Variants in NUDT1 observed in about 807,000 individuals in gnomAD.
NUDT1 encodes the protein nudix hydrolase 1.
Under a neutral mutation model 11.3 loss-of-function variants are expected in NUDT1, and 16 were observed. The observed-to-expected ratio is 1.41, with a 90% CI of 0.96 to 2.15. The LOEUF is 2.15. Among genes scored for constraint, NUDT1 ranks in the 30% most tolerant of loss-of-function variants. The pLI is 0.00. For missense variants in NUDT1, 234 were observed against 208.4 expected (o/e 1.12, Z -0.76); for synonymous variants, 101 against 84.4 (o/e 1.20, Z -1.08).
intron 2 of NUDT1, among the ~76,000 whole-genome samples, chr7:2,245,041 C>G (rs1403476656): frequency 6.6e-6 from 1 of 152,210 alleles, no homozygotes. Context: ...CTCTGTGCAG[C>G]AGCTTGAATT....
chr7:2,250,590 T>G, intron 3 of NUDT1, among the ~76,000 whole-genome samples: 1 of 152,152 alleles, frequency 6.6e-6, no homozygotes, highest in South Asian at 2.1e-4. Context: ...CCCAAGTAGC[T>G]GGGACTACAG....
At chr7:2,242,318 G>T in intron 1 of NUDT1, 62 bp downstream of exon 1, 1 of 729,752 alleles carries the variant, frequency 1.4e-6, no homozygotes, top group Non-Finnish European at 2.1e-6. Context: ...AGCCGGGCCA[G>T]CGGGCGGCAG....
In NUDT1 at chr7:2,244,745, T is replaced by G; in HGVS notation, c.152+19T>G. 1 of 1,599,264 alleles carries G rather than the reference T, an allele frequency of 6.3e-7. No individual in the cohort carries two copies. Among genetic ancestry groups the G allele is most frequent in the Non-Finnish European group, 8.5e-7 (1 of 1,174,188 alleles). On this transcript the variant is annotated intron_variant, in intron 2 of 3. Transcript: ENST00000356714. The stretch of plus-strand genomic sequence containing the variant: ...CTAGGAGGTAAGGATGGGGCAGGTC[T>G]GGCCATAGAACCGGCTTTCCCAGGG...
chr7:2,246,126 C>G (rs147901837), intron 2 of NUDT1, among the ~76,000 whole-genome samples: 175 of 152,284 alleles, frequency 1.1e-3, no homozygotes, highest in African/African-American at 4.1e-3. Context: ...AAAGGTGGCC[C>G]CGGGGGTTCT....
chr7:2,250,754 G>A (rs35110413), intron 3 of NUDT1, 75 bp from the exon 4 acceptor site: 52,761 of 1,579,570 alleles, frequency 0.033, 1,069 homozygotes, highest in Middle Eastern at 0.086. Context: ...CACCGCGCCC[G>A]GCCAAAAAAA....
chr7:2,244,538 C>CTCTG (rs1491245683), intron 1 of NUDT1, 25 bp from the exon 2 acceptor site: 2 of 1,524,770 alleles, frequency 1.3e-6, no homozygotes, highest in Admixed American at 4.2e-5. Context: ...TCATGGCTGA[C>CTCTG]TCTGCCCTCT....
chr7:2,244,840 G>A, intron 2 of NUDT1, 114 bp downstream of exon 2: 2 of 1,275,182 alleles, frequency 1.6e-6, no homozygotes, highest in Non-Finnish European at 2.2e-6. Flanking sequence ...TGGAGCAGGG[G>A]GTTAAGCGTG....
intron 1 of NUDT1, chr7:2,243,116 A>G (rs1794618100): frequency 1.5e-6 from 1 of 668,280 alleles, no homozygotes; most frequent in Admixed American, 2.2e-5. Context: ...TGCCAAACTC[A>G]TGGTTCCATC....
chr7:2,248,503 T>G (rs939561396), intron 2 of NUDT1, among the ~76,000 whole-genome samples: 11 of 151,982 alleles, frequency 7.2e-5, no homozygotes, highest in Non-Finnish European at 1.6e-4. Flanking sequence ...CACTCCTCCT[T>G]TCTTGCGTGG....
At chr7:2,246,688 C>G (rs967077797) in intron 2 of NUDT1, among the ~76,000 whole-genome samples, 12 of 152,204 alleles carry the variant, frequency 7.9e-5, no homozygotes, top group Non-Finnish European at 4.4e-5. Context: ...GACCATCACT[C>G]CAGACCCTCA....
intron 2 of NUDT1, among the ~76,000 whole-genome samples, chr7:2,247,033 G>A (rs1444529408): frequency 2.6e-5 from 4 of 152,116 alleles, no homozygotes; most frequent in South Asian, 2.1e-4. Context: ...CCAGGGCCCC[G>A]GGAACCCAGC....
intron 2 of NUDT1, among the ~76,000 whole-genome samples, chr7:2,247,531 G>A (rs766615489): frequency 6.6e-6 from 1 of 152,214 alleles, no homozygotes; most frequent in African/African-American, 2.4e-5. Flanking sequence ...CAGGAGCAGC[G>A]ATGGGAAGCA....
At position 2,250,714 on chromosome 7, in the gene NUDT1, T is replaced by C. The variant is rs1293594727; in HGVS notation, c.299-115T>C. 7.0e-6 allele frequency: 6 copies of C among 861,736 alleles called. No individual in the cohort carries two copies. In the African/African-American group the frequency reaches 8.1e-5, roughly 12 times the overall value. The allele number at this position is 861,736 out of a possible 1,614,324, so 53.4% of individuals were successfully genotyped here. A position where few individuals can be genotyped will look rare whatever the true frequency, so the allele number is the denominator to read the frequency against. On this transcript the variant is annotated intron_variant, in intron 3 of 3. Coordinates refer to ENST00000356714, the MANE Select transcript of NUDT1 (RefSeq NM_002452.4). Reference sequence around the variant, plus strand: ...ACCTCGTGATCCTCCCGCCTCGGCCTCCCAAAGTGCTGGGATTACAGGCGT... The same window carrying C: ...ACCTCGTGATCCTCCCGCCTCGGCCCCCCAAAGTGCTGGGATTACAGGCGT...
intron 2 of NUDT1, chr7:2,249,496 G>A (rs986880272): frequency 5.4e-6 from 2 of 372,082 alleles, no homozygotes; most frequent in Admixed American, 7.7e-5. Flanking sequence ...TCCCAACCCT[G>A]CCACGTGCGG....
chr7:2,244,266 T>C (rs1193405804), intron 1 of NUDT1, among the ~76,000 whole-genome samples: 1 of 151,866 alleles, frequency 6.6e-6, no homozygotes, highest in Non-Finnish European at 1.5e-5. Context: ...TCTGGAAAGG[T>C]GATGTTGTCC....
chr7:2,243,149 GT>G (rs1466143194), intron 1 of NUDT1: 1 of 608,132 alleles, frequency 1.6e-6, no homozygotes, highest in African/African-American at 1.8e-5. Context: ...GCTGGTGCCT[GT>G]TGGTGTGCTT....
At chr7:2,250,053 C>T (rs1480994747) in intron 3 of NUDT1, 51 bp downstream of exon 3, 4 of 1,603,316 alleles carry the variant, frequency 2.5e-6, no homozygotes, top group Non-Finnish European at 3.4e-6. Flanking sequence ...GTCCCATCTC[C>T]TGGCTGGGAG....
chr7:2,242,456 A>C, intron 1 of NUDT1, 200 bp downstream of exon 1: 4 of 492,598 alleles, frequency 8.1e-6, no homozygotes, highest in Non-Finnish European at 1.4e-5. Context: ...GGAGAGAGAC[A>C]AGGAGAGCGG....
chr7:2,248,382 G>A (rs774301084), intron 2 of NUDT1, among the ~76,000 whole-genome samples: 1 of 152,142 alleles, frequency 6.6e-6, no homozygotes, highest in Non-Finnish European at 1.5e-5. Flanking sequence ...CAGCAGCACC[G>A]CTGTGCCCAA....
Sources: allele counts gnomAD v4.1 joint callset (sites outside exome capture counted in the v4.1 genomes callset), GRCh38; gene constraint gnomAD v4.1.1; transcripts MANE v1.5; gene names NCBI Gene and HGNC (gene_info 2026-07-23, HGNC 2026-07-21).